MCF2: variants seen among roughly 807,000 people sequenced by gnomAD.
The protein encoded by MCF2 is proto-oncogene DBL.
A neutral mutation model predicts 82.5 loss-of-function variants in MCF2; 44 were observed. The ratio of observed to expected loss-of-function variants is 0.53; its 90% CI spans 0.42 to 0.69. The LOEUF is 0.69. MCF2 is among the 30% of genes least tolerant of loss of function. The pLI, the probability that MCF2 is intolerant of heterozygous loss-of-function variation, is 0.00. For synonymous variants in MCF2, 217 were observed against 224.9 expected (o/e 0.96, Z 0.32); for missense variants, 623 against 663.1 (o/e 0.94, Z 0.66).
chrX:139,601,171 G>A (rs73573993), intron 16 of MCF2, among the ~76,000 whole-genome samples: 1,815 of 111,187 alleles, frequency 0.016, 32 homozygotes, highest in African/African-American at 0.056. Flanking sequence ...TCCAATATCC[G>A]TACAACAGAA....
chrX:139,639,819 T>C (rs770697758), intron 1 of MCF2, among the ~76,000 whole-genome samples: 1 of 112,205 alleles, frequency 8.9e-6, no homozygotes, highest in South Asian at 3.7e-4. Context: ...AAAGTTTGGT[T>C]ACTTACTATA....
chrX:139,614,662 C>T (rs1319827535), intron 10 of MCF2, among the ~76,000 whole-genome samples: 1 of 111,037 alleles, frequency 9.0e-6, no homozygotes, highest in Non-Finnish European at 1.9e-5. Flanking sequence ...AGTACTGAGA[C>T]GTTCACAATT....
chrX:139,675,532 G>T (rs1934839910), intron 1 of MCF2, among the ~76,000 whole-genome samples: 1 of 112,532 alleles, frequency 8.9e-6, no homozygotes, highest in African/African-American at 3.2e-5. Flanking sequence ...CTTTCTGTTT[G>T]TTAGTTTTCC....
chrX:139,618,283 C>G (rs1766158632), intron 7 of MCF2, among the ~76,000 whole-genome samples: 1 of 110,381 alleles, frequency 9.1e-6, no homozygotes, highest in Admixed American at 9.7e-5. Flanking sequence ...AAATAAAACT[C>G]AAACACAGAA....
At chrX:139,621,463 AAT>A (rs1932350945) in intron 6 of MCF2, among the ~76,000 whole-genome samples, 1 of 111,736 alleles carries the variant, frequency 8.9e-6, no homozygotes, top group African/African-American at 3.2e-5. Flanking sequence ...ACAAAAATCT[AAT>A]ATCCAGAATC....
intron 10 of MCF2, among the ~76,000 whole-genome samples, chrX:139,613,840 T>C (rs1002434492): frequency 9.0e-6 from 1 of 111,679 alleles, no homozygotes; most frequent in African/African-American, 3.2e-5. Flanking sequence ...TTGCTTATAG[T>C]TTTATTTGTA....
At chrX:139,614,280 CTG>C (rs905242116) in intron 10 of MCF2, among the ~76,000 whole-genome samples, 7 of 111,686 alleles carry the variant, frequency 6.3e-5, no homozygotes, top group African/African-American at 2.3e-4. Flanking sequence ...AAAATGAACT[CTG>C]TAATAGTAAA....
At chrX:139,614,859 C>A (rs758843066) in intron 10 of MCF2, 22 bp downstream of exon 13, 1 of 1,170,527 alleles carries the variant, frequency 8.5e-7, no homozygotes, top group South Asian at 1.9e-5. Context: ...AAAAAAGAGA[C>A]AGAGAAAGTA....
At chrX:139,672,624 T>C (rs1179705320) in intron 1 of MCF2, among the ~76,000 whole-genome samples, 1 of 112,239 alleles carries the variant, frequency 8.9e-6, no homozygotes, top group East Asian at 2.8e-4. Flanking sequence ...TGTTTATTGA[T>C]TTGCATATGT....
intron 24 of MCF2, among the ~76,000 whole-genome samples, chrX:139,582,728 C>T (rs1267288508): frequency 5.4e-5 from 6 of 111,534 alleles, no homozygotes; most frequent in African/African-American, 2.0e-4. Context: ...GTGATTAAAG[C>T]ATTCTTCAAT....
intron 6 of MCF2, among the ~76,000 whole-genome samples, chrX:139,620,860 A>T (rs1316814958): frequency 8.9e-6 from 1 of 111,839 alleles, no homozygotes; most frequent in Admixed American, 9.5e-5. Flanking sequence ...AATTAGAAAA[A>T]CTATTCTAAA....
At chrX:139,626,139 G>A in intron 6 of MCF2, 54 bp downstream of exon 9, 1 of 764,593 alleles carries the variant, frequency 1.3e-6, no homozygotes, top group Non-Finnish European at 1.9e-6. Context: ...TGATTAAGGA[G>A]TAAAAACCTC....
chrX:139,618,119 G>A (rs1210948262), intron 7 of MCF2, among the ~76,000 whole-genome samples: 1 of 110,697 alleles, frequency 9.0e-6, no homozygotes, highest in Non-Finnish European at 1.9e-5. Flanking sequence ...GAGTTGTCAT[G>A]TACCTGGACT....
chrX:139,701,776 C>T (rs1292123962), intron 1 of MCF2, among the ~76,000 whole-genome samples: 2 of 112,515 alleles, frequency 1.8e-5, no homozygotes, highest in Non-Finnish European at 3.7e-5. Context: ...ATGTAAAGCA[C>T]ACACATAAGA....
chrX:139,661,642 T>A (rs991334561), intron 1 of MCF2, among the ~76,000 whole-genome samples: 19 of 111,673 alleles, frequency 1.7e-4, no homozygotes, highest in African/African-American at 5.9e-4. Context: ...CTAAGTACTA[T>A]TCTATTCAAA....
chrX:139,646,705 T>C (rs1232148747), upstream of MCF2: 1 of 434,898 alleles, frequency 2.3e-6, no homozygotes, highest in East Asian at 4.5e-5. Context: ...TAATAATAGC[T>C]ATATTAAGCC....
In MCF2 at chrX:139,613,149, T is replaced by C. The variant is rs149253721; in HGVS notation, c.1363+1732A>G. ...CTGCTGCTGTTTTTAGATGCCAAAC[T>C]GGTTTTTCACATGTACACAAACTCA... On this transcript the variant is annotated intron_variant, in intron 10 of 24. Transcript: ENST00000370576. 2.2e-3 allele frequency: 1,724 copies of C among 797,615 alleles called. 22 individuals are homozygous for C. The African/African-American group carries it at 0.033, about 15-fold the overall frequency. The allele number at this position is 797,615 out of a possible 1,213,427, so 65.7% of individuals were successfully genotyped here.
At chrX:139,689,662 T>TTTTTTTTTTTTTTGAGAC (rs1569402957) in intron 1 of MCF2, among the ~76,000 whole-genome samples, 4 of 108,765 alleles carry the variant, frequency 3.7e-5, no homozygotes, top group African/African-American at 1.3e-4. Flanking sequence ...CTTATTTCCT[T>TTTTTTTTTTTTTTGAGAC]GCCTGGAATA....
chrX:139,677,796 G>T (rs748696899), intron 1 of MCF2, among the ~76,000 whole-genome samples: 17 of 111,960 alleles, frequency 1.5e-4, no homozygotes, highest in Non-Finnish European at 1.9e-4. Context: ...CCCCTTCTTG[G>T]TCATATGGGT....
Sources: allele counts gnomAD v4.1 joint callset (sites outside exome capture counted in the v4.1 genomes callset), GRCh38; gene constraint gnomAD v4.1.1; transcripts MANE v1.5; gene names NCBI Gene and HGNC (gene_info 2026-07-23, HGNC 2026-07-21).